Variants in CERT1 observed in about 807,000 individuals in gnomAD.
CERT1 encodes ceramide transporter 1.
Under a neutral mutation model 87.9 loss-of-function variants are expected in CERT1, and 31 were observed. That is an observed-to-expected ratio of 0.35 (90% CI 0.27 to 0.48). CERT1 has a LOEUF of 0.48. Among genes scored for constraint, CERT1 ranks in the 20% least tolerant of loss-of-function variants. CERT1 has a pLI of 0.99. For synonymous variants in CERT1, 289 were observed against 250.9 expected (o/e 1.15, Z -1.44); for missense variants, 487 against 758.0 (o/e 0.64, Z 4.20).
chr5:75,460,992 A>G (rs1456792992), intron 2 of CERT1, among the ~76,000 whole-genome samples: 1 of 152,254 alleles, frequency 6.6e-6, no homozygotes, highest in Non-Finnish European at 1.5e-5. Flanking sequence ...ATAAATACAG[A>G]AAGACATAAG....
At position 75,388,643 on chromosome 5, in the gene CERT1, T is replaced by TCA. The variant is rs1761912070; in HGVS notation, c.1284+947_1284+948dup. Among the ~76,000 whole-genome samples the TCA allele has an allele frequency of 3.1e-5, 4 of 128,374 alleles. No homozygotes were observed. The Admixed American group carries it at 3.2e-4, about 10-fold the overall frequency. The allele number at this position is 128,374 out of a possible 152,430, so 84.2% of individuals were successfully genotyped here. A position where few individuals can be genotyped will look rare whatever the true frequency, so the allele number is the denominator to read the frequency against. On this transcript the variant is annotated intron_variant, in intron 12 of 16. Transcript: ENST00000643780. ...ATATATATATATATATATATATATC[T>TCA]CACACAGGGTCTCACTTTGTGACCC...
intron 5 of CERT1, among the ~76,000 whole-genome samples, chr5:75,423,597 C>T (rs1365845745): frequency 1.3e-5 from 2 of 152,054 alleles, no homozygotes; most frequent in Non-Finnish European, 2.9e-5. Flanking sequence ...AAAAATTAAC[C>T]AGATATGACG....
rs377251350 is a variant in CERT1, at chr5:75,411,990, CTA to C, written c.838-889_838-888del. Among the ~76,000 whole-genome samples the C allele has an allele frequency of 6.0e-4, 91 of 152,228 alleles. No individual in the cohort carries two copies. In the East Asian group the frequency reaches 0.015, roughly 25 times the overall value. On this transcript the variant is annotated intron_variant, in intron 7 of 16. Transcript: ENST00000643780. ...AACACTCTCCTTTTAATGATAGGGCCTATAGCTCTAAAAGGTTAAAAGACCCA... is the reference window on the plus strand; with the variant it reads ...AACACTCTCCTTTTAATGATAGGGCCTAGCTCTAAAAGGTTAAAAGACCCA...
chr5:75,494,649 A>T (rs1225069229), intron 2 of CERT1, among the ~76,000 whole-genome samples: 1 of 152,194 alleles, frequency 6.6e-6, no homozygotes, highest in African/African-American at 2.4e-5. Flanking sequence ...GGAGGTATCC[A>T]GAACTGCTAC....
At chr5:75,475,125 G>A (rs1765900807) in intron 2 of CERT1, among the ~76,000 whole-genome samples, 1 of 152,132 alleles carries the variant, frequency 6.6e-6, no homozygotes, top group African/African-American at 2.4e-5. Flanking sequence ...CAGACATAGA[G>A]AGACTCTCAA....
chr5:75,508,157 C>A (rs1402964731), intron 1 of CERT1, among the ~76,000 whole-genome samples: 1 of 152,214 alleles, frequency 6.6e-6, no homozygotes, highest in African/African-American at 2.4e-5. Context: ...ATTCAAGACC[C>A]TTCATGGATT....
chr5:75,496,868 T>C lies in CERT1; in HGVS notation c.231+9114A>G, dbSNP rs141166768. Among the ~76,000 whole-genome samples the C allele has an allele frequency of 3.3e-4, 51 of 152,288 alleles. 1 individual carries two copies. The East Asian group carries it at 9.5e-3, about 28-fold the overall frequency. ...TTTTATATACTCATGTGGTAATGAC[T>C]ATATGACTGTATGCATTTGTGAAAA... On this transcript the variant is annotated intron_variant, in intron 2 of 16. Coordinates refer to ENST00000643780, the MANE Select transcript of CERT1 (RefSeq NM_001379029.1).
At chr5:75,466,242 G>A (rs932024587) in intron 2 of CERT1, among the ~76,000 whole-genome samples, 2 of 152,150 alleles carry the variant, frequency 1.3e-5, no homozygotes, top group Non-Finnish European at 2.9e-5. Context: ...CTTGCACCTT[G>A]CTGTCTGCAC....
chr5:75,478,297 G>A (rs1044485115), intron 2 of CERT1, among the ~76,000 whole-genome samples: 2 of 151,380 alleles, frequency 1.3e-5, no homozygotes, highest in African/African-American at 2.4e-5. Flanking sequence ...CTGGGTGACA[G>A]AGCAAGACTC....
chr5:75,500,741 C>T (rs2112457797), intron 2 of CERT1, among the ~76,000 whole-genome samples: 1 of 152,158 alleles, frequency 6.6e-6, no homozygotes, highest in South Asian at 2.1e-4. Flanking sequence ...TGAGAAAAGG[C>T]CTTCTTCTTG....
chr5:75,420,718 G>A (rs78949691), intron 5 of CERT1, among the ~76,000 whole-genome samples: 4,000 of 151,664 alleles, frequency 0.026, 152 homozygotes, highest in African/African-American at 0.087. Flanking sequence ...TTTCTACTAC[G>A]CCACATGCTT....
intron 3 of CERT1, among the ~76,000 whole-genome samples, chr5:75,448,861 T>C (rs1443981841): frequency 6.6e-6 from 1 of 152,184 alleles, no homozygotes; most frequent in Non-Finnish European, 1.5e-5. Context: ...TAACTCTAGA[T>C]TAACCTTTTT....
rs1394649996 is a variant in CERT1 at position 75,379,481 on chromosome 5, A to G, written c.1748-8T>C. On this transcript the variant is annotated splice_polypyrimidine_tract_variant and splice_region_variant and intron_variant, in intron 16 of 16. Transcript: ENST00000643780. ...CCCATCCTCCAGGGTTCACTGCAAG[A>G]TAAAGGAAAATTAAAATGTATTAAG... is the stretch of plus-strand genomic sequence containing the variant. The G allele has an allele frequency of 3.1e-6, 5 of 1,604,286 alleles. No homozygotes were observed. Among genetic ancestry groups the G allele is most frequent in the Non-Finnish European group, 3.4e-6 (4 of 1,177,048 alleles).
At chr5:75,480,620 G>A (rs1367924674) in intron 2 of CERT1, among the ~76,000 whole-genome samples, 4 of 152,168 alleles carry the variant, frequency 2.6e-5, no homozygotes, top group South Asian at 4.1e-4. Context: ...TTTTTACTCA[G>A]TTGCTCTCTC....
At chr5:75,464,284 G>C (rs1561281929) in intron 2 of CERT1, among the ~76,000 whole-genome samples, 1 of 152,094 alleles carries the variant, frequency 6.6e-6, no homozygotes, top group East Asian at 1.9e-4. Context: ...AGAATTGACT[G>C]AGTCATTAAA....
intron 2 of CERT1, chr5:75,505,615 T>A (rs1767615304): frequency 6.5e-6 from 1 of 153,866 alleles, no homozygotes; most frequent in Admixed American, 6.5e-5. Flanking sequence ...TGAATTTACA[T>A]TTATATTTTT....
chr5:75,472,804 A>G lies in CERT1; in HGVS notation c.232-13623T>C, dbSNP rs369444562. Among the ~76,000 whole-genome samples, 46 of 152,260 alleles carry G rather than the reference A, an allele frequency of 3.0e-4. No individual in the cohort carries two copies. The Middle Eastern group carries it at 0.014, about 45-fold the overall frequency. ...TGTGGAGAAAAGGGAATCCTCCTAC[A>G]CTTGTTGGTAATGTGAATTAGTAGA... On this transcript the variant is annotated intron_variant, in intron 2 of 16. Coordinates refer to ENST00000643780, the MANE Select transcript of CERT1 (RefSeq NM_001379029.1).
Position 75,384,650 on chromosome 5 carries a change from T to C in CERT1, c.1480A>G (p.Thr494Ala). The stretch of plus-strand genomic sequence containing the variant: ...AATGAAGAGATCTTTACCTTGTGTG[T>C]TTGATAAATGATGATTGCATTATCA... ...LADNAIIIYQ[T>A]HKRVWPASQR... The change falls in exon 14 of 17, where the codon ACA (threonine) becomes GCA (alanine). Residue 494 changes from threonine (T) to alanine (A), a missense_variant. By Grantham distance (58) the Thr-to-Ala change is moderately conservative. Around this residue, in one of 8 missense-constraint regions of CERT1, gnomAD observed 147 missense variants for 200.8 expected, o/e 0.73. Coordinates refer to ENST00000643780, the MANE Select transcript of CERT1 (RefSeq NM_001379029.1). The C allele has an allele frequency of 1.2e-6, 2 of 1,602,332 alleles. No homozygotes were observed. The highest frequency in any genetic ancestry group is 1.7e-6 in the Non-Finnish European group (2 of 1,169,742).
Position 75,459,233 on chromosome 5 carries a change from G to A in CERT1, c.232-52C>T, listed in dbSNP as rs543841495. ...AGCAAAGCTAATTATATCCTTAGAA[G>A]TGTTACACCCCAAAGCCAAAACATG... On this transcript the variant is annotated intron_variant, in intron 2 of 16. Transcript: ENST00000643780. The A allele has an allele frequency of 8.0e-6, 9 of 1,131,500 alleles. No homozygotes were observed. In the East Asian group the frequency reaches 1.6e-4, roughly 21 times the overall value. 70.1% of individuals were successfully genotyped at this position (1,131,500 alleles called of 1,614,324 possible). A position where few individuals can be genotyped will look rare whatever the true frequency, so the allele number is the denominator to read the frequency against.
Sources: allele counts gnomAD v4.1 joint callset (sites outside exome capture counted in the v4.1 genomes callset), GRCh38; gene constraint gnomAD v4.1.1; regional missense constraint gnomAD v4.1.1; transcripts MANE v1.5; gene names NCBI Gene and HGNC (gene_info 2026-07-23, HGNC 2026-07-21).